Variants in IFNLR1 observed in about 807,000 individuals in gnomAD.
IFNLR1 encodes the protein CRF2-12.
IFNLR1 carries 28 observed loss-of-function variants against 52.5 expected under a neutral mutation model. The observed-to-expected ratio is 0.53, with a 90% confidence interval of 0.40 to 0.73. The LOEUF is 0.73. IFNLR1 is among the 30% of genes least tolerant of loss of function. The pLI is 0.00. For synonymous variants in IFNLR1, 276 were observed against 274.9 expected (o/e 1.00, Z -0.04); for missense variants, 623 against 659.1 (o/e 0.95, Z 0.60).
At chr1:24,182,662 C>T (rs1644702468) in intron 1 of IFNLR1, among the ~76,000 whole-genome samples, 1 of 152,140 alleles carries the variant, frequency 6.6e-6, no homozygotes, top group African/African-American at 2.4e-5. Flanking sequence ...TGGCTCATGC[C>T]TGTAATCCCA....
intron 2 of IFNLR1, among the ~76,000 whole-genome samples, chr1:24,174,805 A>C (rs1430367022): frequency 6.6e-6 from 1 of 152,192 alleles, no homozygotes; most frequent in East Asian, 1.9e-4. Flanking sequence ...ATATGAAAAG[A>C]ATTGGTAAGC....
intron 1 of IFNLR1, among the ~76,000 whole-genome samples, chr1:24,184,768 C>T (rs554837210): frequency 6.6e-6 from 1 of 152,268 alleles, no homozygotes; most frequent in East Asian, 1.9e-4. Flanking sequence ...CCTGTGATCC[C>T]AGCATTTTGG....
Position 24,157,318 on chromosome 1 carries a change from T to A in IFNLR1, c.1375A>T (p.Asn459Tyr). The A allele has an allele frequency of 6.2e-7, 1 of 1,614,128 alleles. No homozygotes were observed. Among genetic ancestry groups the A allele is most frequent in the Non-Finnish European group, 8.5e-7 (1 of 1,180,020 alleles). The change falls in exon 7 of 7, where the codon AAT becomes TAT. Residue 459 changes from asparagine (N) to tyrosine (Y), a missense_variant. Transcript: ENST00000327535. This position sits in a 1 kb window ranked among gnomAD's most constrained non-coding sequence, Gnocchi z 5.1. ...ATWGTLPPEPNLVPGGPPVSL... is the reference protein window; with the variant it reads ...ATWGTLPPEPYLVPGGPPVSL... ...ACTGGGGGTCCCCCAGGGACCAGATTCGGCTCCGGTGGTAAGGTGCCCCAG... is the reference window on the plus strand; with the variant it reads ...ACTGGGGGTCCCCCAGGGACCAGATACGGCTCCGGTGGTAAGGTGCCCCAG...
chr1:24,162,822 CTTTCTTTCT>C (rs796198410), intron 3 of IFNLR1, among the ~76,000 whole-genome samples: 660 of 33,574 alleles, frequency 0.02, 82 homozygotes, highest in East Asian at 0.026. Context: ...TTTTTTTCTT[CTTTCTTTCT>C]TTTCTTTCTT....
At chr1:24,163,726 T>C (rs149815315) in intron 3 of IFNLR1, among the ~76,000 whole-genome samples, 2 of 152,182 alleles carry the variant, frequency 1.3e-5, no homozygotes, top group East Asian at 1.9e-4. Context: ...ATTATAGGCA[T>C]GTGCTACCAT....
chr1:24,182,169 C>T (rs1246132209), intron 1 of IFNLR1, among the ~76,000 whole-genome samples: 6 of 149,146 alleles, frequency 4.0e-5, no homozygotes, highest in African/African-American at 1.0e-4. Flanking sequence ...CACTGCATTC[C>T]AGCCTGGGCA....
intron 3 of IFNLR1, among the ~76,000 whole-genome samples, chr1:24,165,565 A>G (rs1445368914): frequency 6.6e-6 from 1 of 152,176 alleles, no homozygotes; most frequent in Admixed American, 6.5e-5. Flanking sequence ...GAAGATGGAG[A>G]GGGCAATGTG....
chr1:24,182,542 T>C (rs1315539058), intron 1 of IFNLR1, among the ~76,000 whole-genome samples: 1 of 152,250 alleles, frequency 6.6e-6, no homozygotes, highest in Non-Finnish European at 1.5e-5. Context: ...ATGGACTATG[T>C]GCATATTTAT....
In IFNLR1 at chr1:24,159,630, G is replaced by A. The variant is rs767945509; in HGVS notation, c.514C>T (p.Leu172=). Residue 172 remains leucine, a synonymous_variant, in exon 5 of 7, where the codon CTA becomes TTA. Transcript: ENST00000327535. ...TGGCCATGGGGAGTGACTGGAAATA[G>A]GGTCTGTTTGGAAAAGAAGCAGAGA... ...FWKEGAGNKT[L]FPVTPHGQPV... is the part of the protein sequence containing the mutation. The A allele has an allele frequency of 2.1e-5, 34 of 1,613,846 alleles. No individual in the cohort carries two copies. The Admixed American group carries it at 5.5e-4, about 26-fold the overall frequency.
At chr1:24,177,800 T>C (rs1386458657) in intron 2 of IFNLR1, among the ~76,000 whole-genome samples, 1 of 152,174 alleles carries the variant, frequency 6.6e-6, no homozygotes, top group African/African-American at 2.4e-5. Flanking sequence ...AGTATGTATG[T>C]TTTGGGATAA....
intron 1 of IFNLR1, among the ~76,000 whole-genome samples, chr1:24,183,687 C>T (rs938249938): frequency 6.6e-6 from 1 of 152,158 alleles, no homozygotes; most frequent in Non-Finnish European, 1.5e-5. Context: ...CTTAAGCCCT[C>T]TAAAGGCTTC....
At chr1:24,168,472 G>T (rs948785543) in intron 3 of IFNLR1, among the ~76,000 whole-genome samples, 1 of 151,956 alleles carries the variant, frequency 6.6e-6, no homozygotes, top group African/African-American at 2.4e-5. Context: ...TATGTCCACC[G>T]GTTACTAGCG....
intron 3 of IFNLR1, among the ~76,000 whole-genome samples, chr1:24,162,786 CTT>C (rs1251743381): frequency 2.9e-4 from 18 of 61,626 alleles, no homozygotes; most frequent in South Asian, 1.2e-3. Context: ...CTTTTTCTTT[CTT>C]TTTCTTTCTT....
chr1:24,157,298 G>T lies in IFNLR1; in HGVS notation c.1395C>A (p.Pro465=), dbSNP rs753069929. 7 of 1,614,056 alleles carry T rather than the reference G, an allele frequency of 4.3e-6. No individual in the cohort carries two copies. The highest frequency in any genetic ancestry group is 5.9e-6 in the Non-Finnish European group (7 of 1,180,042). ...PPEPNLVPGG[P]PVSLQTLTFC... is the part of the protein sequence containing the mutation. ...AGGTCAGTGTCTGAAGAGAAACTGG[G>T]GGTCCCCCAGGGACCAGATTCGGCT... is the stretch of plus-strand genomic sequence containing the variant. Residue 465 remains proline, a synonymous_variant, in exon 7 of 7, where the codon CCC becomes CCA. Transcript: ENST00000327535. The surrounding 1 kb of genome is among the most constrained non-coding windows in gnomAD (Gnocchi z 5.1).
chr1:24,162,322 C>T lies in IFNLR1; in HGVS notation c.368-638G>A, dbSNP rs186519989. Among the ~76,000 whole-genome samples the T allele has an allele frequency of 7.3e-4, 111 of 152,334 alleles. 1 individual carries two copies. The highest frequency in any genetic ancestry group is 2.6e-3 in the African/African-American group (108 of 41,568). On this transcript the variant is annotated intron_variant, in intron 3 of 6. Coordinates refer to ENST00000327535, the MANE Select transcript of IFNLR1 (RefSeq NM_170743.4). ...TCACGTTACCACTCCATCGTCAAAC[C>T]AGAAACGGCACCATGGAGTCCTGTT...
At chr1:24,162,764 C>CT (rs1250896357) in intron 3 of IFNLR1, among the ~76,000 whole-genome samples, 1 of 32,578 alleles carries the variant, frequency 3.1e-5, no homozygotes, top group Non-Finnish European at 6.2e-5. Flanking sequence ...TTCTTTCTTT[C>CT]TTTCTTTCTT....
chr1:24,164,774 T>G (rs1644501540), intron 3 of IFNLR1, among the ~76,000 whole-genome samples: 1 of 139,386 alleles, frequency 7.2e-6, no homozygotes, highest in Admixed American at 7.2e-5. Flanking sequence ...TTTTTTTTTT[T>G]TTGAGATGGA....
At chr1:24,182,700 T>C (rs759989126) in intron 1 of IFNLR1, among the ~76,000 whole-genome samples, 1 of 152,034 alleles carries the variant, frequency 6.6e-6, no homozygotes, top group Non-Finnish European at 1.5e-5. Flanking sequence ...TGTGGGCAGA[T>C]CCCGAGGTCA....
chr1:24,184,947 A>G (rs1055532571), intron 1 of IFNLR1, among the ~76,000 whole-genome samples: 1 of 152,112 alleles, frequency 6.6e-6, no homozygotes, highest in African/African-American at 2.4e-5. Flanking sequence ...TGAACCCGAT[A>G]GGTGGAGGTT....
Sources: allele counts gnomAD v4.1 joint callset (sites outside exome capture counted in the v4.1 genomes callset), GRCh38; gene constraint gnomAD v4.1.1; non-coding constraint Gnocchi (gnomAD v3.1); transcripts MANE v1.5; gene names NCBI Gene and HGNC (gene_info 2026-07-23, HGNC 2026-07-21).